Variants in CDYL observed in about 807,000 individuals in gnomAD.
CDYL encodes the protein chromodomain Y-like protein.
A neutral mutation model predicts 47.3 loss-of-function variants in CDYL; 8 were observed. The observed-to-expected ratio is 0.17, with a 90% CI of 0.10 to 0.31. The LOEUF (loss-of-function observed/expected upper bound fraction) is 0.31. CDYL is among the 10% of genes least tolerant of loss of function. CDYL has a pLI of 1.00. For missense variants in CDYL, 471 were observed against 701.4 expected (o/e 0.67, Z 3.71); for synonymous variants, 266 against 265.0 (o/e 1.00, Z -0.04).
chr6:4,776,720 C>A lies in CDYL; in HGVS notation c.-64C>A. On this transcript the variant is annotated 5_prime_UTR_variant, in exon 1 of 7. Coordinates refer to ENST00000397588, the MANE Select transcript of CDYL (RefSeq NM_004824.4). ...GCAGGACCCAACTGAAACAAAGTGT[C>A]GGCCGCCCGGCGCCGGCGCCCGCCC... 1 of 1,270,750 alleles carries A rather than the reference C, an allele frequency of 7.9e-7. No homozygotes were observed. Among genetic ancestry groups the A allele is most frequent in the Non-Finnish European group, 1.0e-6 (1 of 985,258 alleles). 78.7% of individuals were successfully genotyped at this position (1,270,750 alleles called of 1,614,324 possible). A position where few individuals can be genotyped will look rare whatever the true frequency, so the allele number is the denominator to read the frequency against.
At chr6:4,900,760 G>A (rs1757003789) in intron 2 of CDYL, among the ~76,000 whole-genome samples, 1 of 88,574 alleles carries the variant, frequency 1.1e-5, no homozygotes, top group Non-Finnish European at 2.1e-5. Context: ...TCATTCTTCT[G>A]TTAATTCCGT....
Position 4,717,740 on chromosome 6 carries a change from A to AT in CDYL, c.103+1861dup, listed in dbSNP as rs1554131438. 8.7e-3 allele frequency among the ~76,000 whole-genome samples: 1,028 copies of AT among 118,786 alleles called. 162 individuals carry two copies. The highest frequency in any genetic ancestry group is 0.031 in the African/African-American group (921 of 30,016). 77.9% of individuals were successfully genotyped at this position (118,786 alleles called of 152,430 possible). ...AAAAAAAAAAAAAAAAAAAAAAAAA[A>AT]TTAAAAATTGAAAGGGATTTTTGTT... On this transcript the variant is annotated intron_variant, in intron 2 of 8. Coordinates refer to the CDYL transcript ENST00000328908.
chr6:4,745,338 A>G (rs1393361586), intron 3 of CDYL, among the ~76,000 whole-genome samples: 1 of 152,200 alleles, frequency 6.6e-6, no homozygotes, highest in Non-Finnish European at 1.5e-5. Context: ...GGAAAGAAAG[A>G]GGTTGGCATT....
At chr6:4,731,026 C>A (rs1294635253) in intron 2 of CDYL, among the ~76,000 whole-genome samples, 2 of 152,242 alleles carry the variant, frequency 1.3e-5, no homozygotes, top group Admixed American at 6.5e-5. Flanking sequence ...TTTTCAACGT[C>A]TGGGCCTGGA....
chr6:4,795,973 GA>G (rs751358118), intron 1 of CDYL, among the ~76,000 whole-genome samples: 6 of 151,120 alleles, frequency 4.0e-5, no homozygotes, highest in Admixed American at 6.6e-5. Context: ...TTTTTTTCCT[GA>G]GACAGAGTCT....
intron 1 of CDYL, among the ~76,000 whole-genome samples, chr6:4,712,292 T>A (rs969931594): frequency 3.9e-5 from 6 of 152,144 alleles, no homozygotes; most frequent in African/African-American, 1.2e-4. Context: ...CCCAAATCCT[T>A]GGCAGATGTT....
intron 1 of CDYL, among the ~76,000 whole-genome samples, chr6:4,784,187 G>T (rs1758692862): frequency 6.6e-6 from 1 of 152,018 alleles, no homozygotes; most frequent in Non-Finnish European, 1.5e-5. Context: ...AATATTCTGG[G>T]GAGTTTTTAC....
chr6:4,857,443 T>C (rs1283938765), intron 1 of CDYL, among the ~76,000 whole-genome samples: 3 of 152,222 alleles, frequency 2.0e-5, no homozygotes, highest in Admixed American at 1.3e-4. Flanking sequence ...GGGCAAAATA[T>C]GCTGAAATTC....
chr6:4,852,865 C>A (rs1760893136), intron 1 of CDYL, among the ~76,000 whole-genome samples: 1 of 151,002 alleles, frequency 6.6e-6, no homozygotes, highest in Non-Finnish European at 1.5e-5. Flanking sequence ...GTGGCTTAAT[C>A]ACAGCTCACT....
At chr6:4,871,604 A>C (rs1180011763) in intron 1 of CDYL, among the ~76,000 whole-genome samples, 2 of 152,118 alleles carry the variant, frequency 1.3e-5, no homozygotes, top group Non-Finnish European at 2.9e-5. Flanking sequence ...CACGTGGCAG[A>C]CCTACAAGCT....
intron 2 of CDYL, among the ~76,000 whole-genome samples, chr6:4,718,912 G>T (rs201322594): frequency 6.2e-4 from 82 of 132,874 alleles, no homozygotes; most frequent in Non-Finnish European, 9.7e-4. Context: ...ATTTCCACTG[G>T]TTTTTTTTTT....
At chr6:4,754,124 G>A (rs1207153416) in intron 3 of CDYL, among the ~76,000 whole-genome samples, 15 of 152,096 alleles carry the variant, frequency 9.9e-5, no homozygotes, top group East Asian at 1.9e-4. Context: ...GCAATAGAGC[G>A]AGACCCTGTC....
At chr6:4,882,495 T>A (rs1761790728) in intron 1 of CDYL, among the ~76,000 whole-genome samples, 1 of 152,208 alleles carries the variant, frequency 6.6e-6, no homozygotes, top group Admixed American at 6.5e-5. Context: ...TCTGACCCTT[T>A]TCAAACAGTT....
chr6:4,923,981 C>T (rs1268360825), intron 2 of CDYL, among the ~76,000 whole-genome samples: 1 of 152,060 alleles, frequency 6.6e-6, no homozygotes, highest in African/African-American at 2.4e-5. Context: ...CTGGCAATCC[C>T]GTTGCAGAGT....
chr6:4,802,005 A>G (rs1410112587), intron 1 of CDYL, among the ~76,000 whole-genome samples: 1 of 152,186 alleles, frequency 6.6e-6, no homozygotes, highest in East Asian at 1.9e-4. Flanking sequence ...TAGTGCTGTC[A>G]GAGTGCTTTA....
chr6:4,952,854 A>G (rs960899909), intron 6 of CDYL, among the ~76,000 whole-genome samples: 3 of 150,572 alleles, frequency 2.0e-5, no homozygotes, highest in African/African-American at 4.9e-5. Flanking sequence ...TGCAACCTCA[A>G]CCTCCCGGGT....
At chr6:4,930,682 G>A (rs1266977187) in intron 2 of CDYL, among the ~76,000 whole-genome samples, 1 of 152,224 alleles carries the variant, frequency 6.6e-6, no homozygotes, top group African/African-American at 2.4e-5. Flanking sequence ...GAGACTTGCA[G>A]TTTTTGAAGC....
intron 3 of CDYL, among the ~76,000 whole-genome samples, chr6:4,760,656 G>C (rs73360661): frequency 0.013 from 2,032 of 152,292 alleles, 37 homozygotes; most frequent in African/African-American, 0.045. Context: ...TTCAGAGTGA[G>C]AAATCTGGAC....
In CDYL at chr6:4,891,750, G is replaced by A; in HGVS notation, c.62G>A (p.Gly21Glu). The A allele has an allele frequency of 6.2e-7, 1 of 1,614,006 alleles. No individual in the cohort carries two copies. The highest frequency in any genetic ancestry group is 8.5e-7 in the Non-Finnish European group (1 of 1,179,984). The change falls in exon 2 of 7, where the codon GGG becomes GAG. Residue 21 changes from glycine to glutamate, a missense_variant. Transcript: ENST00000397588. Reference protein sequence around the residue: ...RIVDKRKNKKGKTEYLVRWKG... With the variant: ...RIVDKRKNKKEKTEYLVRWKG... ...GTTGACAAAAGGAAAAATAAAAAAGGGAAGACAGAGTATTTGGTTCGGTGG... is the reference window on the plus strand; with the variant it reads ...GTTGACAAAAGGAAAAATAAAAAAGAGAAGACAGAGTATTTGGTTCGGTGG...
Sources: allele counts gnomAD v4.1 joint callset (sites outside exome capture counted in the v4.1 genomes callset), GRCh38; gene constraint gnomAD v4.1.1; transcripts MANE v1.5; gene names NCBI Gene and HGNC (gene_info 2026-07-23, HGNC 2026-07-21).